Variants in NCAM2 observed in about 807,000 individuals in gnomAD.
NCAM2 encodes the protein neural cell adhesion molecule 2, also known as N-CAM-2.
NCAM2 carries 30 observed loss-of-function variants against 98.1 expected under a neutral mutation model. That is an observed-to-expected ratio of 0.31 (90% confidence interval 0.23 to 0.41). The LOEUF (loss-of-function observed/expected upper bound fraction) is 0.41, where lower values mean the gene tolerates loss of function less well. Ranked by LOEUF, NCAM2 falls within the 10% of genes least tolerant of loss-of-function variation. NCAM2 has a pLI of 1.00. For synonymous variants in NCAM2, 368 were observed against 342.4 expected (o/e 1.07, Z -0.83); for missense variants, 867 against 1,005.8 (o/e 0.86, Z 1.87).
At chr21:21,257,517 A>C (rs2071719401) in intron 1 of NCAM2, among the ~76,000 whole-genome samples, 1 of 152,356 alleles carries the variant, frequency 6.6e-6, no homozygotes, top group African/African-American at 2.4e-5. Flanking sequence ...TAGATTAGAC[A>C]GTACGAAAAA....
At chr21:21,025,189 C>T (rs1250833766) in intron 1 of NCAM2, among the ~76,000 whole-genome samples, 1 of 151,666 alleles carries the variant, frequency 6.6e-6, no homozygotes, top group Non-Finnish European at 1.5e-5. Flanking sequence ...GGGTTCATGC[C>T]ATTCTCCTGC....
chr21:21,349,147 T>C (rs2075269033), intron 8 of NCAM2, among the ~76,000 whole-genome samples: 1 of 152,102 alleles, frequency 6.6e-6, no homozygotes, highest in Non-Finnish European at 1.5e-5. Flanking sequence ...AGTGATGAGA[T>C]AACCAACAGA....
At chr21:21,193,499 T>G (rs2068895437) in intron 1 of NCAM2, among the ~76,000 whole-genome samples, 2 of 145,868 alleles carry the variant, frequency 1.4e-5, no homozygotes, top group Admixed American at 6.8e-5. Flanking sequence ...TTCCTTTTTT[T>G]TTTTTTTTTT....
rs1321632073 is a variant in NCAM2 at position 21,167,790 on chromosome 21, G to A, written c.56-112788G>A. Among the ~76,000 whole-genome samples the A allele has an allele frequency of 2.6e-5, 4 of 152,032 alleles. No individual in the cohort carries two copies. The East Asian group carries it at 7.7e-4, about 29-fold the overall frequency. ...CAAAAGAAACAGATTATCTGACTAG[G>A]CCCTTATTAAATAAATTGAATCCGT... On this transcript the variant is annotated intron_variant, in intron 1 of 17. Coordinates refer to ENST00000400546, the MANE Select transcript of NCAM2 (RefSeq NM_004540.5).
chr21:21,247,062 G>T (rs1297135712), intron 1 of NCAM2, among the ~76,000 whole-genome samples: 2 of 151,908 alleles, frequency 1.3e-5, no homozygotes, highest in African/African-American at 4.8e-5. Context: ...GCTCACGCCT[G>T]TAATCCCAGC....
At chr21:21,364,604 A>G (rs1472095950) in intron 8 of NCAM2, among the ~76,000 whole-genome samples, 2 of 151,986 alleles carry the variant, frequency 1.3e-5, no homozygotes, top group Non-Finnish European at 2.9e-5. Context: ...ATATATACAT[A>G]TATACACATG....
At chr21:21,129,861 G>T (rs1446982529) in intron 1 of NCAM2, among the ~76,000 whole-genome samples, 1 of 152,162 alleles carries the variant, frequency 6.6e-6, no homozygotes, top group African/African-American at 2.4e-5. Flanking sequence ...TGCTTATGCA[G>T]CTTCTGGTGA....
intron 5 of NCAM2, among the ~76,000 whole-genome samples, chr21:21,300,295 A>T (rs756642851): frequency 1.6e-4 from 24 of 152,012 alleles, no homozygotes; most frequent in Non-Finnish European, 3.1e-4. Context: ...AACCACGAAG[A>T]TCCAAATGAG....
chr21:21,072,960 C>A (rs1348701088), intron 1 of NCAM2, among the ~76,000 whole-genome samples: 3 of 151,640 alleles, frequency 2.0e-5, no homozygotes, highest in African/African-American at 7.3e-5. Context: ...ACTTCATACC[C>A]ATTAAGCAAT....
At chr21:21,243,036 A>G (rs1425128651) in intron 1 of NCAM2, among the ~76,000 whole-genome samples, 1 of 100 alleles carries the variant, frequency 0.01, no homozygotes, top group African/African-American at 0.031. Flanking sequence ...CTAAGGTTTC[A>G]TAAAATAATT....
chr21:21,254,615 TACC>T (rs1433907496), intron 1 of NCAM2, among the ~76,000 whole-genome samples: 1 of 152,206 alleles, frequency 6.6e-6, no homozygotes, highest in Non-Finnish European at 1.5e-5. Context: ...ATAATCTTCT[TACC>T]ATGCTAATGG....
intron 9 of NCAM2, among the ~76,000 whole-genome samples, chr21:21,384,430 T>C (rs2076220782): frequency 6.6e-6 from 1 of 151,916 alleles, no homozygotes; most frequent in African/African-American, 2.4e-5. Context: ...TTGATTAATC[T>C]AGATTCTTAT....
chr21:21,032,047 A>G (rs1483031787), intron 1 of NCAM2, among the ~76,000 whole-genome samples: 2 of 152,196 alleles, frequency 1.3e-5, no homozygotes, highest in Non-Finnish European at 1.5e-5. Context: ...AATCTAATCA[A>G]AGTTTATCAG....
chr21:21,443,094 C>T (rs1352552481), intron 12 of NCAM2, among the ~76,000 whole-genome samples: 2 of 152,008 alleles, frequency 1.3e-5, no homozygotes, highest in Non-Finnish European at 2.9e-5. Context: ...CAATATGCAG[C>T]CATAAAAAAA....
chr21:21,351,164 A>C (rs1375609731), intron 8 of NCAM2, among the ~76,000 whole-genome samples: 1 of 149,642 alleles, frequency 6.7e-6, no homozygotes, highest in Non-Finnish European at 1.5e-5. Context: ...AATATCCAAT[A>C]TAATTTCAAG....
intron 5 of NCAM2, among the ~76,000 whole-genome samples, chr21:21,316,991 T>A (rs1303406684): frequency 6.6e-6 from 1 of 152,154 alleles, no homozygotes; most frequent in Non-Finnish European, 1.5e-5. Context: ...TTTTAAACAT[T>A]TACAATCAGC....
intron 1 of NCAM2, among the ~76,000 whole-genome samples, chr21:21,199,222 C>A (rs1164192699): frequency 1.3e-5 from 2 of 152,088 alleles, no homozygotes; most frequent in Non-Finnish European, 2.9e-5. Context: ...TCTTTCATTG[C>A]AAAATGTTTC....
chr21:21,404,297 C>T (rs1369670047), intron 9 of NCAM2, among the ~76,000 whole-genome samples: 1 of 152,116 alleles, frequency 6.6e-6, no homozygotes, highest in Non-Finnish European at 1.5e-5. Flanking sequence ...TGTGTCCCCA[C>T]CCAAATCTCA....
At chr21:21,374,114 A>G (rs188742561) in intron 9 of NCAM2, 101 bp downstream of exon 9, 4 of 1,074,504 alleles carry the variant, frequency 3.7e-6, no homozygotes, top group Non-Finnish European at 5.3e-6. Flanking sequence ...TTCACATTTC[A>G]GTACTTAATG....
Sources: gnomAD v4.1 joint callset for allele counts (sites outside exome capture counted in the v4.1 genomes callset) on GRCh38, gnomAD v4.1.1 for gene constraint, MANE v1.5 for transcripts, NCBI Gene and HGNC (gene_info 2026-07-23, HGNC 2026-07-21) for gene names.